RIPOR2: variants seen among roughly 807,000 people sequenced by gnomAD.
RIPOR2 encodes RHO family interacting cell polarization regulator 2, also known as rho family-interacting cell polarization regulator 2.
Under a neutral mutation model 114.5 loss-of-function variants are expected in RIPOR2, and 39 were observed. The observed-to-expected ratio is 0.34, with a 90% CI of 0.26 to 0.44. The LOEUF is 0.44. RIPOR2 is among the 20% of genes least tolerant of loss of function. The probability of loss-of-function intolerance (pLI) is 1.00; values close to 1 mark genes in which losing one functional copy is unlikely to be tolerated. For missense variants in RIPOR2, 1,007 were observed against 1,255.1 expected (o/e 0.80, Z 2.99); for synonymous variants, 445 against 484.4 (o/e 0.92, Z 1.07).
chr6:24,957,945 TTGG>T (rs1224158721), intron 1 of RIPOR2, among the ~76,000 whole-genome samples: 1 of 152,082 alleles, frequency 6.6e-6, no homozygotes, highest in African/African-American at 2.4e-5. Flanking sequence ...GATAACACTG[TTGG>T]TGGTATTGTA....
chr6:24,844,234 A>T (rs1022741492), intron 12 of RIPOR2, among the ~76,000 whole-genome samples: 2 of 152,224 alleles, frequency 1.3e-5, no homozygotes, highest in African/African-American at 4.8e-5. Context: ...ACACCAAGTC[A>T]TCTGTCAAGC....
At chr6:24,979,929 A>G (rs1402051170) in intron 1 of RIPOR2, among the ~76,000 whole-genome samples, 2 of 152,250 alleles carry the variant, frequency 1.3e-5, no homozygotes, top group African/African-American at 4.8e-5. Flanking sequence ...CATCAAGCAT[A>G]TAGTAGGAAC....
chr6:24,987,954 T>C (rs1225213124), intron 1 of RIPOR2, among the ~76,000 whole-genome samples: 3 of 152,208 alleles, frequency 2.0e-5, no homozygotes, highest in Non-Finnish European at 1.5e-5. Flanking sequence ...TGCTACAAAC[T>C]GCAGCTCTAA....
intron 1 of RIPOR2, among the ~76,000 whole-genome samples, chr6:24,894,667 C>T (rs1239473057): frequency 6.6e-6 from 1 of 152,296 alleles, no homozygotes; most frequent in East Asian, 1.9e-4. Context: ...TCCTGTTCCC[C>T]GTCCCCAGGC....
intron 17 of RIPOR2, among the ~76,000 whole-genome samples, chr6:24,830,068 C>A (rs561756601): frequency 6.6e-6 from 1 of 152,232 alleles, no homozygotes; most frequent in African/African-American, 2.4e-5. Flanking sequence ...CAGGTTCAAG[C>A]GATTCTCCTC....
chr6:24,976,817 T>C, intron 1 of RIPOR2: 1 of 1,611,096 alleles, frequency 6.2e-7, no homozygotes, highest in Non-Finnish European at 8.5e-7. Context: ...TGGTTCCCAG[T>C]TTTTCATCTG....
intron 1 of RIPOR2, among the ~76,000 whole-genome samples, chr6:24,930,448 G>T (rs1308730851): frequency 1.3e-5 from 2 of 152,182 alleles, no homozygotes; most frequent in Non-Finnish European, 2.9e-5. Flanking sequence ...ATCTAAACAG[G>T]TTACCCTGAG....
chr6:24,877,986 TG>T (rs1765966297), intron 1 of RIPOR2, among the ~76,000 whole-genome samples: 1 of 152,028 alleles, frequency 6.6e-6, no homozygotes, highest in African/African-American at 2.4e-5. Flanking sequence ...GTCCAACAGG[TG>T]ACTGGGATGA....
At chr6:25,001,075 C>T (rs1775291401) in intron 1 of RIPOR2, among the ~76,000 whole-genome samples, 1 of 152,206 alleles carries the variant, frequency 6.6e-6, no homozygotes, top group African/African-American at 2.4e-5. Context: ...TGTGCACACA[C>T]ATACGCACAT....
At chr6:24,930,967 T>A (rs1163844414) in intron 1 of RIPOR2, among the ~76,000 whole-genome samples, 1 of 152,214 alleles carries the variant, frequency 6.6e-6, no homozygotes, top group Non-Finnish European at 1.5e-5. Flanking sequence ...CACACAAAAA[T>A]CTCCAATCCT....
intron 1 of RIPOR2, among the ~76,000 whole-genome samples, chr6:24,972,671 C>T (rs1344428287): frequency 3.3e-5 from 5 of 152,100 alleles, no homozygotes. Flanking sequence ...CTCTATATAA[C>T]AAATAACTCT....
At chr6:24,866,676 C>T (rs1225342395) in intron 6 of RIPOR2, among the ~76,000 whole-genome samples, 1 of 151,918 alleles carries the variant, frequency 6.6e-6, no homozygotes, top group Non-Finnish European at 1.5e-5. Context: ...TAAAGTTATT[C>T]CTAATGATAT....
Position 24,825,289 on chromosome 6 carries a change from T to C in RIPOR2, c.2805A>G (p.Glu935=). Residue 935 remains glutamate, a synonymous_variant, in exon 19 of 22, where the codon GAA becomes GAG. Coordinates refer to ENST00000643898, the MANE Select transcript of RIPOR2 (RefSeq NM_001286445.3). ...LALLLTREDN[E]VSEAVTLYLA... is the part of the protein sequence containing the mutation. ...AGTAAAGCGTCACAGCCTCACTAACTTCGTTGTCCTCTCTGGTTAATAGCA... is the reference window on the plus strand; with the variant it reads ...AGTAAAGCGTCACAGCCTCACTAACCTCGTTGTCCTCTCTGGTTAATAGCA... 6.4e-7 allele frequency: 1 copy of C among 1,551,782 alleles called. No homozygotes were observed. The highest frequency in any genetic ancestry group is 1.2e-5 in the South Asian group (1 of 84,054).
chr6:24,977,064 T>C (rs1774095769), intron 1 of RIPOR2: 1 of 1,320,340 alleles, frequency 7.6e-7, no homozygotes, highest in East Asian at 2.3e-5. Flanking sequence ...TTGCTTGCAG[T>C]ATCCCAGTAT....
chr6:24,847,600 C>A, intron 12 of RIPOR2: 1 of 1,551,620 alleles, frequency 6.4e-7, no homozygotes, highest in Non-Finnish European at 8.7e-7. Context: ...ACTGAAGGAG[C>A]GGCTGCGGTG....
intron 1 of RIPOR2, among the ~76,000 whole-genome samples, chr6:25,019,840 A>G (rs1478794803): frequency 2.0e-5 from 3 of 151,322 alleles, no homozygotes; most frequent in African/African-American, 7.3e-5. Flanking sequence ...AGATGTCAAT[A>G]AGTATGATAA....
chr6:24,915,914 C>T (rs937880879), intron 1 of RIPOR2, among the ~76,000 whole-genome samples: 5 of 152,214 alleles, frequency 3.3e-5, no homozygotes, highest in Non-Finnish European at 5.9e-5. Context: ...ATCCCCGCCA[C>T]TCTGCCATGC....
intron 1 of RIPOR2, among the ~76,000 whole-genome samples, chr6:25,005,722 T>TAG (rs1775527257): frequency 1.0e-5 from 1 of 98,912 alleles, no homozygotes; most frequent in Non-Finnish European, 2.2e-5. Context: ...TATATATATA[T>TAG]ATATATATAT....
At chr6:24,904,199 C>T (rs1161917383) in intron 1 of RIPOR2, among the ~76,000 whole-genome samples, 1 of 152,194 alleles carries the variant, frequency 6.6e-6, no homozygotes, top group Non-Finnish European at 1.5e-5. Context: ...ATTTACAGTT[C>T]TGGAGGACAG....
Sources: allele counts gnomAD v4.1 joint callset (sites outside exome capture counted in the v4.1 genomes callset), GRCh38; gene constraint gnomAD v4.1.1; transcripts MANE v1.5; gene names NCBI Gene and HGNC (gene_info 2026-07-23, HGNC 2026-07-21).